SAMD8: variants seen among roughly 807,000 people sequenced by gnomAD.
SAMD8 encodes sphingomyelin synthase-related protein 1.
A neutral mutation model predicts 42.0 loss-of-function variants in SAMD8; 20 were observed. That is an observed-to-expected ratio of 0.48 (90% CI 0.34 to 0.69). The LOEUF is 0.69. Among genes scored for constraint, SAMD8 ranks in the 30% least tolerant of loss-of-function variants. The pLI is 0.01. For synonymous variants in SAMD8, 162 were observed against 173.0 expected (o/e 0.94, Z 0.50); for missense variants, 328 against 511.6 (o/e 0.64, Z 3.46).
intron 1 of SAMD8, among the ~76,000 whole-genome samples, chr10:75,146,632 A>G (rs1469589061): frequency 1.3e-5 from 2 of 152,064 alleles, no homozygotes. Context: ...TGGTTGTTTC[A>G]GGTCAGAGGA....
intron 1 of SAMD8, among the ~76,000 whole-genome samples, chr10:75,114,584 A>G (rs1299063334): frequency 6.6e-6 from 1 of 152,204 alleles, no homozygotes; most frequent in African/African-American, 2.4e-5. Flanking sequence ...AAGAATTGAA[A>G]TTTGAACACT....
At chr10:75,152,965 CTTGT>C (rs749424000) in intron 2 of SAMD8, among the ~76,000 whole-genome samples, 3 of 151,984 alleles carry the variant, frequency 2.0e-5, no homozygotes, top group African/African-American at 7.3e-5. Context: ...GTATTACTTT[CTTGT>C]TTGTTAGTTT....
chr10:75,126,829 G>A (rs112413373), intron 1 of SAMD8, among the ~76,000 whole-genome samples: 52 of 151,986 alleles, frequency 3.4e-4, no homozygotes, highest in African/African-American at 1.2e-3. Flanking sequence ...TTAGTGTCTG[G>A]CATCTCTATA....
rs1589986054 is a variant in SAMD8 at position 75,181,758 on chromosome 10, A to G, written c.*5066A>G. ...TTATCAATTAGTAATGTCATCTTAA[A>G]AATGTTCACTTTTACTAAGTTTTAT... is the stretch of plus-strand genomic sequence containing the variant. On this transcript the variant is annotated 3_prime_UTR_variant, in exon 6 of 6. Coordinates refer to ENST00000542569, the MANE Select transcript of SAMD8 (RefSeq NM_001174156.2). 1 of 152,258 alleles carries G rather than the reference A, an allele frequency of 6.6e-6. No individual in the cohort carries two copies. The highest frequency in any genetic ancestry group is 1.5e-5 in the Non-Finnish European group (1 of 68,046). 9.4% of individuals were successfully genotyped at this position (152,258 alleles called of 1,614,324 possible). A position where few individuals can be genotyped will look rare whatever the true frequency, so the allele number is the denominator to read the frequency against.
Position 75,180,931 on chromosome 10 carries a change from T to G in SAMD8, c.*4239T>G, listed in dbSNP as rs941856611. ...TTCACCATTAATTTCATAGTAAGCT[T>G]TTTTAAAGGATTCTAGATCTAAATT... is the stretch of plus-strand genomic sequence containing the variant. On this transcript the variant is annotated 3_prime_UTR_variant, in exon 6 of 6. Transcript: ENST00000542569. The G allele has an allele frequency of 6.6e-6, 1 of 152,256 alleles. No homozygotes were observed. Among genetic ancestry groups the G allele is most frequent in the Non-Finnish European group, 1.5e-5 (1 of 68,046 alleles). The allele number at this position is 152,256 out of a possible 1,614,324, so 9.4% of individuals were successfully genotyped here. A position where few individuals can be genotyped will look rare whatever the true frequency, so the allele number is the denominator to read the frequency against.
rs533839917 is a variant in SAMD8 at position 75,132,114 on chromosome 10, GGAGA to G, written c.-15-18391_-15-18388del. Among the ~76,000 whole-genome samples, 41 of 152,200 alleles carry G rather than the reference GGAGA, an allele frequency of 2.7e-4. 1 individual carries two copies. The South Asian group carries it at 7.9e-3, about 29-fold the overall frequency. On this transcript the variant is annotated intron_variant, in intron 1 of 5. Transcript: ENST00000542569. ...GGCTTTTTATATCCTACACTGTCTA[GGAGA>G]GAGAGAGACTGAAACTGGGAGATGC... is the stretch of plus-strand genomic sequence containing the variant.
At chr10:75,135,647 A>AAAAT (rs1291247340) in intron 1 of SAMD8, among the ~76,000 whole-genome samples, 1 of 151,566 alleles carries the variant, frequency 6.6e-6, no homozygotes, top group African/African-American at 2.4e-5. Flanking sequence ...AACATGGTGA[A>AAAAT]ACCCTCTCTC....
chr10:75,128,441 C>T (rs1318607485), intron 1 of SAMD8, among the ~76,000 whole-genome samples: 7 of 151,984 alleles, frequency 4.6e-5, no homozygotes, highest in African/African-American at 9.7e-5. Flanking sequence ...TGAACTTCTT[C>T]GCTGAAGCAG....
intron 1 of SAMD8, among the ~76,000 whole-genome samples, chr10:75,146,831 T>G (rs905960254): frequency 3.3e-5 from 5 of 152,232 alleles, no homozygotes; most frequent in Non-Finnish European, 7.3e-5. Context: ...AACATAAATA[T>G]TAAATTGGCC....
At chr10:75,167,295 C>T (rs1005196876) in intron 3 of SAMD8, among the ~76,000 whole-genome samples, 103 of 152,232 alleles carry the variant, frequency 6.8e-4, no homozygotes, top group African/African-American at 2.4e-3. Flanking sequence ...CTTGCCCTGT[C>T]ACCCAGGCTA....
chr10:75,172,136 G>A (rs546352347), intron 4 of SAMD8, among the ~76,000 whole-genome samples: 2 of 152,204 alleles, frequency 1.3e-5, no homozygotes, highest in East Asian at 3.9e-4. Flanking sequence ...CTTGCCAGCA[G>A]TGCCATTCTG....
Position 75,179,385 on chromosome 10 carries a change from A to T in SAMD8, c.*2693A>T, listed in dbSNP as rs1414294535. On this transcript the variant is annotated 3_prime_UTR_variant, in exon 6 of 6. Coordinates refer to ENST00000542569, the MANE Select transcript of SAMD8 (RefSeq NM_001174156.2). ...ATCAATAACAAAAACTTAAATAGCT[A>T]TTAACCTCAGTCTTCTTTCCTTCAT... The T allele has an allele frequency of 6.6e-6, 1 of 152,206 alleles. No homozygotes were observed. 9.4% of individuals were successfully genotyped at this position (152,206 alleles called of 1,614,324 possible).
chr10:75,140,483 T>G (rs1282390170), intron 1 of SAMD8, among the ~76,000 whole-genome samples: 1 of 152,174 alleles, frequency 6.6e-6, no homozygotes, highest in African/African-American at 2.4e-5. Flanking sequence ...CACCTAATCA[T>G]GGGATATCAC....
intron 1 of SAMD8, among the ~76,000 whole-genome samples, chr10:75,139,990 T>C (rs1298417447): frequency 6.6e-6 from 1 of 152,234 alleles, no homozygotes; most frequent in African/African-American, 2.4e-5. Flanking sequence ...GAAGTATGAA[T>C]TGAGGTTTTT....
intron 1 of SAMD8, among the ~76,000 whole-genome samples, chr10:75,112,322 G>T (rs927623845): frequency 1.3e-5 from 2 of 152,208 alleles, no homozygotes; most frequent in Non-Finnish European, 2.9e-5. Flanking sequence ...GGTGAGGGAG[G>T]CACTGAAAAA....
At chr10:75,158,682 A>G (rs1840478523) in intron 2 of SAMD8, among the ~76,000 whole-genome samples, 1 of 152,208 alleles carries the variant, frequency 6.6e-6, no homozygotes, top group African/African-American at 2.4e-5. Context: ...GAACATTTTC[A>G]TCATCCTGGG....
At chr10:75,137,188 A>T (rs1401847453) in intron 1 of SAMD8, among the ~76,000 whole-genome samples, 1 of 152,230 alleles carries the variant, frequency 6.6e-6, no homozygotes, top group African/African-American at 2.4e-5. Flanking sequence ...CCATGGATGG[A>T]TGAATGTGTA....
chr10:75,138,958 C>CTTTTTTTTTTTTTTTTTTTTTTT (rs201911661), intron 1 of SAMD8, among the ~76,000 whole-genome samples: 1 of 133,312 alleles, frequency 7.5e-6, no homozygotes, highest in Non-Finnish European at 1.6e-5. Context: ...GTGGTTTTTT[C>CTTTTTTTTTTTTTTTTTTTTTTT]TTTTTTTTTT....
intron 2 of SAMD8, among the ~76,000 whole-genome samples, chr10:75,162,990 A>G (rs954050757): frequency 6.6e-6 from 1 of 151,928 alleles, no homozygotes; most frequent in African/African-American, 2.4e-5. Flanking sequence ...AGTGGCAACG[A>G]TCTCGGCTCA....
Sources: gnomAD v4.1 joint callset for allele counts (sites outside exome capture counted in the v4.1 genomes callset) on GRCh38, gnomAD v4.1.1 for gene constraint, MANE v1.5 for transcripts, NCBI Gene and HGNC (gene_info 2026-07-23, HGNC 2026-07-21) for gene names.